Variants in CHIC1 observed in about 807,000 individuals in gnomAD.
The protein encoded by CHIC1 is cysteine rich hydrophobic domain 1.
A neutral mutation model predicts 18.5 loss-of-function variants in CHIC1; 7 were observed. That is an observed-to-expected ratio of 0.38 (90% CI 0.22 to 0.71). CHIC1 has a LOEUF of 0.71. Ranked by LOEUF, CHIC1 falls within the 30% of genes least tolerant of loss-of-function variation. CHIC1 has a pLI of 0.49. For synonymous variants in CHIC1, 77 were observed against 73.5 expected (o/e 1.05, Z -0.25); for missense variants, 159 against 176.9 (o/e 0.90, Z 0.57).
intron 3 of CHIC1, among the ~76,000 whole-genome samples, chrX:73,589,369 G>GT (rs1371019487): frequency 4.5e-5 from 5 of 110,709 alleles, no homozygotes; most frequent in African/African-American, 9.8e-5. Context: ...GTTTAATTGA[G>GT]TTTTTTACTG....
intron 3 of CHIC1, among the ~76,000 whole-genome samples, chrX:73,675,815 T>A (rs1211666789): frequency 5.4e-5 from 6 of 111,044 alleles, no homozygotes; most frequent in Non-Finnish European, 1.1e-4. Flanking sequence ...TGATGCAGTT[T>A]CTTCCTAGCC....
At chrX:73,657,053 T>C (rs1477124089) in intron 3 of CHIC1, among the ~76,000 whole-genome samples, 1 of 81,670 alleles carries the variant, frequency 1.2e-5, no homozygotes, top group Non-Finnish European at 2.5e-5. Flanking sequence ...TTTTATATTC[T>C]TTTTTTAATT....
chrX:73,618,165 C>G (rs967845220), intron 3 of CHIC1, among the ~76,000 whole-genome samples: 1 of 111,656 alleles, frequency 9.0e-6, no homozygotes, highest in African/African-American at 3.3e-5. Flanking sequence ...ATAGCCATAC[C>G]TACTATGATG....
chrX:73,639,190 A>G lies in CHIC1; in HGVS notation c.508-40136A>G, dbSNP rs146025513. Among the ~76,000 whole-genome samples, 1,040 of 110,976 alleles carry G rather than the reference A, an allele frequency of 9.4e-3. 6 individuals carry two copies. Among genetic ancestry groups the G allele is most frequent in the African/African-American group, 0.033 (1,009 of 30,573 alleles). ...CTATGCAACCTCAACAGCACCTCTC[A>G]TTTTTTGACCTTTTAATAATAGCTA... On this transcript the variant is annotated intron_variant, in intron 3 of 5. Coordinates refer to ENST00000373502, the MANE Select transcript of CHIC1 (RefSeq NM_001039840.4).
At chrX:73,577,530 C>A (rs2147544963) in intron 2 of CHIC1, 69 bp downstream of exon 2, 1 of 815,602 alleles carries the variant, frequency 1.2e-6, no homozygotes, top group Non-Finnish European at 1.8e-6. Flanking sequence ...ATTGTTATGA[C>A]AAATGCTTTG....
chrX:73,650,810 A>G (rs181126348), intron 3 of CHIC1, among the ~76,000 whole-genome samples: 1 of 111,378 alleles, frequency 9.0e-6, no homozygotes, highest in Non-Finnish European at 1.9e-5. Context: ...CAAAAAATTG[A>G]AAAGGAGGAA....
chrX:73,566,164 T>C (rs1045451982), intron 1 of CHIC1, among the ~76,000 whole-genome samples: 6 of 110,151 alleles, frequency 5.4e-5, no homozygotes, highest in Admixed American at 2.0e-4. Context: ...TCTTAGATTT[T>C]TCATTTTCTC....
intron 3 of CHIC1, among the ~76,000 whole-genome samples, chrX:73,655,632 A>ATACAATATT (rs2057944656): frequency 5.6e-5 from 1 of 17,937 alleles, no homozygotes; most frequent in Non-Finnish European, 1.1e-4. Flanking sequence ...ATATATATAT[A>ATACAATATT]GTGTGTGTGT....
At chrX:73,589,290 A>G (rs1158838138) in intron 3 of CHIC1, among the ~76,000 whole-genome samples, 1 of 110,035 alleles carries the variant, frequency 9.1e-6, no homozygotes, top group East Asian at 2.9e-4. Context: ...GACTTCCACT[A>G]TTTTGCTATT....
chrX:73,655,492 GTGTATATATATA>G (rs2057941080), intron 3 of CHIC1, among the ~76,000 whole-genome samples: 1 of 60,441 alleles, frequency 1.7e-5, no homozygotes, highest in African/African-American at 6.3e-5. Context: ...ACACAATATT[GTGTATATATATA>G]TACATATATA....
At chrX:73,566,561 G>T (rs1303104718) in intron 1 of CHIC1, among the ~76,000 whole-genome samples, 1 of 110,889 alleles carries the variant, frequency 9.0e-6, no homozygotes, top group African/African-American at 3.3e-5. Context: ...AACAAAATAA[G>T]ACAAAAGCCT....
In CHIC1 at chrX:73,563,197, C is replaced by G. The variant is rs912206392; in HGVS notation, c.-88C>G. The G allele has an allele frequency of 1.1e-6, 1 of 901,613 alleles. No homozygotes were observed. Among genetic ancestry groups the G allele is most frequent in the Admixed American group, 5.8e-5 (1 of 17,318 alleles). 74.3% of individuals were successfully genotyped at this position (901,613 alleles called of 1,213,427 possible). On this transcript the variant is annotated 5_prime_UTR_variant, in exon 1 of 6. Transcript: ENST00000373502. ...TCCTGTCCCTACACCCCTCCTCTTT[C>G]TCTTCATTTCGTTCCCCCTCCTCTT...
intron 3 of CHIC1, among the ~76,000 whole-genome samples, chrX:73,617,076 C>T (rs1200006008): frequency 8.9e-6 from 1 of 112,055 alleles, no homozygotes; most frequent in Non-Finnish European, 1.9e-5. Flanking sequence ...ATTTTAATAG[C>T]ACCCAAGTCA....
In CHIC1 at chrX:73,563,407, C is replaced by T. The variant is rs775973130; in HGVS notation, c.123C>T (p.Pro41=). 1 of 1,154,776 alleles carries T rather than the reference C, an allele frequency of 8.7e-7. No individual in the cohort carries two copies. Among genetic ancestry groups the T allele is most frequent in the South Asian group, 2.0e-5 (1 of 50,772 alleles). The part of the protein sequence containing the change: ...SPSSSSSVSG[P]DDDEEDEEEE... ...CGTCGTCGTCGTCGGTATCTGGGCC[C>T]GACGATGACGAGGAGGATGAGGAGG... Residue 41 remains proline (P), a synonymous_variant, in exon 1 of 6, where the codon CCC becomes CCT. Transcript: ENST00000373502.
chrX:73,616,445 G>C (rs1051971495), intron 3 of CHIC1, among the ~76,000 whole-genome samples: 3 of 111,941 alleles, frequency 2.7e-5, no homozygotes. Flanking sequence ...CAGGTGTCTG[G>C]AGGACAATGG....
Position 73,586,121 on chromosome X carries a change from C to T in CHIC1, c.507+1549C>T, listed in dbSNP as rs149448024. ...TATTTAAAATAAAATTCATGATATC[C>T]AGCCTCTTGTAAAATCTAAAGATCT... On this transcript the variant is annotated intron_variant, in intron 3 of 5. Transcript: ENST00000373502. Among the ~76,000 whole-genome samples, 30 of 111,453 alleles carry T rather than the reference C, an allele frequency of 2.7e-4. No individual in the cohort carries two copies. In the East Asian group the frequency reaches 2.8e-3, roughly 11 times the overall value.
intron 3 of CHIC1, among the ~76,000 whole-genome samples, chrX:73,648,226 TAAAC>T (rs138892607): frequency 0.18 from 20,180 of 109,136 alleles, 2,104 homozygotes; most frequent in East Asian, 0.94. Flanking sequence ...AATCAAAACT[TAAAC>T]AAACTCATGA....
rs192319846 is a variant in CHIC1, at chrX:73,671,209, T to C, written c.508-8117T>C. Among the ~76,000 whole-genome samples the C allele has an allele frequency of 2.9e-4, 32 of 112,103 alleles. No individual in the cohort carries two copies. In the Admixed American group the frequency reaches 3.0e-3, roughly 11 times the overall value. On this transcript the variant is annotated intron_variant, in intron 3 of 5. Transcript: ENST00000373502. ...CCTTATATGTGACTTGCTGCATTTCTCTTGCTGTTTTTAGAATTCTGATTC... is the reference window on the plus strand; with the variant it reads ...CCTTATATGTGACTTGCTGCATTTCCCTTGCTGTTTTTAGAATTCTGATTC...
intron 1 of CHIC1, among the ~76,000 whole-genome samples, chrX:73,568,775 A>C (rs2147536440): frequency 9.0e-6 from 1 of 111,521 alleles, no homozygotes; most frequent in South Asian, 3.7e-4. Flanking sequence ...TAATCTAAGA[A>C]AGCTGAAGTT....
Sources: gnomAD v4.1 joint callset for allele counts (sites outside exome capture counted in the v4.1 genomes callset) on GRCh38, gnomAD v4.1.1 for gene constraint, MANE v1.5 for transcripts, NCBI Gene and HGNC (gene_info 2026-07-23, HGNC 2026-07-21) for gene names.